TTC7B: variants seen among roughly 807,000 people sequenced by gnomAD.
TTC7B encodes tetratricopeptide repeat domain 7B, also known as tetratricopeptide repeat protein 7B.
In TTC7B, 28 loss-of-function variants were observed where a neutral mutation model predicts 106.8. The observed-to-expected ratio is 0.26, with a 90% confidence interval of 0.19 to 0.36. The LOEUF (loss-of-function observed/expected upper bound fraction) is 0.36. Ranked by LOEUF, TTC7B falls within the 10% of genes least tolerant of loss-of-function variation. TTC7B has a pLI of 1.00. For synonymous variants in TTC7B, 405 were observed against 430.6 expected, an observed-to-expected ratio of 0.94 and a Z score of 0.74; for missense variants, 862 against 1,076.4, an observed-to-expected ratio of 0.80 and a Z score of 2.79.
In TTC7B at chr14:90,541,484, C is replaced by A. The variant is rs145554922; in HGVS notation, c.2416G>T (p.Glu806Ter). Residue 806 changes from glutamate to a stop codon, truncating the protein, a stop_gained, in exon 20 of 20, where the codon GAG (glutamate) becomes TAG (stop). Transcript: ENST00000328459. LOFTEE classifies it high-confidence loss of function. ...TCGTTGCCCTGAGCTTGGAGGACCT[C>A]GCCCAGCCCGTTCCAGACCTCGTGG... is the stretch of plus-strand genomic sequence containing the variant. ...TAHEVWNGLG[E>*]VLQAQGNDAA... The A allele has an allele frequency of 6.2e-7, 1 of 1,614,068 alleles. No individual in the cohort carries two copies. The highest frequency in any genetic ancestry group is 8.5e-7 in the Non-Finnish European group (1 of 1,179,990).
intron 1 of TTC7B, among the ~76,000 whole-genome samples, chr14:90,791,196 C>A (rs1351712977): frequency 6.6e-6 from 1 of 152,122 alleles, no homozygotes; most frequent in Non-Finnish European, 1.5e-5. Context: ...ACGAATATTC[C>A]AAGCGCTGCA....
chr14:90,541,617 A>T, intron 19 of TTC7B, 28 bp from the exon 20 acceptor site: 1 of 1,515,372 alleles, frequency 6.6e-7, no homozygotes, highest in Non-Finnish European at 8.9e-7. Flanking sequence ...AGAGAGAGAC[A>T]GTCAGCCATG....
intron 6 of TTC7B, among the ~76,000 whole-genome samples, chr14:90,694,835 TCA>T (rs1270158808): frequency 1.1e-4 from 15 of 139,122 alleles, no homozygotes; most frequent in Non-Finnish European, 1.8e-4. Flanking sequence ...CATATATATG[TCA>T]CACATACAAT....
intron 18 of TTC7B, among the ~76,000 whole-genome samples, chr14:90,581,103 C>T (rs1891469900): frequency 6.6e-6 from 1 of 152,182 alleles, no homozygotes; most frequent in Non-Finnish European, 1.5e-5. Context: ...GCACACAGTG[C>T]CTTCTGTCTG....
intron 1 of TTC7B, 144 bp from the exon 2 acceptor site, chr14:90,786,472 G>A (rs886064666): frequency 4.9e-6 from 4 of 819,194 alleles, no homozygotes; most frequent in Non-Finnish European, 7.5e-6. Context: ...CCTTCATAGG[G>A]TCTAAGTGGG....
chr14:90,814,498 G>C (rs1005580138), intron 1 of TTC7B, among the ~76,000 whole-genome samples: 2 of 152,210 alleles, frequency 1.3e-5, no homozygotes, highest in Non-Finnish European at 2.9e-5. Context: ...CCACTGTTCT[G>C]TGACTGGCAC....
Position 90,668,530 on chromosome 14 carries a change from A to T in TTC7B, c.1152+7993T>A, listed in dbSNP as rs113778029. 7.4e-3 allele frequency among the ~76,000 whole-genome samples: 1,122 copies of T among 152,312 alleles called. 15 individuals carry two copies. Among genetic ancestry groups the T allele is most frequent in the African/African-American group, 0.026 (1,070 of 41,568 alleles). ...ATACAAAGGAGATTTTTACATTAGA[A>T]AGCAGATTATTAATGCCACCAATAA... On this transcript the variant is annotated intron_variant, in intron 9 of 19. Coordinates refer to ENST00000328459, the MANE Select transcript of TTC7B (RefSeq NM_001010854.2).
chr14:90,633,295 G>A (rs1566809258), intron 15 of TTC7B, among the ~76,000 whole-genome samples: 1 of 152,184 alleles, frequency 6.6e-6, no homozygotes, highest in Non-Finnish European at 1.5e-5. Context: ...GAATAGGAGT[G>A]AGTATATGTT....
intron 4 of TTC7B, 64 bp from the exon 5 acceptor site, chr14:90,730,260 T>C: frequency 1.3e-6 from 2 of 1,549,814 alleles, no homozygotes; most frequent in South Asian, 2.5e-5. Context: ...CTTCAAACCC[T>C]ATCTCTAAAT....
At chr14:90,557,321 C>T (rs1242754238) in intron 19 of TTC7B, among the ~76,000 whole-genome samples, 1 of 152,186 alleles carries the variant, frequency 6.6e-6, no homozygotes. Context: ...TCACGTGGGG[C>T]AGAGGGCCAC....
chr14:90,766,937 C>T (rs1244528897), intron 3 of TTC7B: 5 of 1,517,012 alleles, frequency 3.3e-6, no homozygotes, highest in Non-Finnish European at 4.5e-6. Context: ...AGTCAGCACA[C>T]CAAGACCACT....
At chr14:90,579,576 T>C (rs1466809466) in intron 18 of TTC7B, among the ~76,000 whole-genome samples, 1 of 152,208 alleles carries the variant, frequency 6.6e-6, no homozygotes, top group East Asian at 1.9e-4. Context: ...GGCGGGCGGA[T>C]AGCTTGAGGT....
intron 12 of TTC7B, among the ~76,000 whole-genome samples, chr14:90,654,414 A>G (rs1057287880): frequency 6.6e-6 from 1 of 152,220 alleles, no homozygotes; most frequent in Non-Finnish European, 1.5e-5. Flanking sequence ...AAACTTAAGT[A>G]TACAAGATTT....
At chr14:90,816,041 T>TC in intron 1 of TTC7B, 134 bp downstream of exon 1, 21 of 949,042 alleles carry the variant, frequency 2.2e-5, no homozygotes, top group Non-Finnish European at 2.5e-5. Flanking sequence ...CCCGCGCACA[T>TC]CCCCTGGGCC....
Position 90,704,128 on chromosome 14 carries a change from A to T in TTC7B, c.699-8550T>A, listed in dbSNP as rs140340486. 1.4e-4 allele frequency among the ~76,000 whole-genome samples: 21 copies of T among 152,338 alleles called. 1 individual carries two copies. The East Asian group carries it at 3.7e-3, about 27-fold the overall frequency. On this transcript the variant is annotated intron_variant, in intron 5 of 19. Coordinates refer to ENST00000328459, the MANE Select transcript of TTC7B (RefSeq NM_001010854.2). Reference sequence around the variant, plus strand: ...TAACACCTACTTGCCATATGCAATGAGATGGCACCTGGAAAGCTTCTGACT... The same window carrying T: ...TAACACCTACTTGCCATATGCAATGTGATGGCACCTGGAAAGCTTCTGACT...
In TTC7B at chr14:90,688,725, T is replaced by C. The variant is rs989820400; in HGVS notation, c.950+815A>G. ...TGGGAGGCTGAGGCAGGAGAATCAC[T>C]TGAACCTGGAAGGCAGAGGTTGCAG... On this transcript the variant is annotated intron_variant, in intron 7 of 19. Coordinates refer to ENST00000328459, the MANE Select transcript of TTC7B (RefSeq NM_001010854.2). Among the ~76,000 whole-genome samples the C allele has an allele frequency of 9.9e-5, 15 of 151,300 alleles. 1 individual carries two copies. Among genetic ancestry groups the C allele is most frequent in the African/African-American group, 3.4e-4 (14 of 41,058 alleles).
chr14:90,710,787 C>T (rs1033747449), intron 5 of TTC7B, among the ~76,000 whole-genome samples: 39 of 152,264 alleles, frequency 2.6e-4, no homozygotes, highest in African/African-American at 9.1e-4. Context: ...CTTTTCTGGA[C>T]ATAATGTTAT....
chr14:90,655,057 C>T lies in TTC7B; in HGVS notation c.1395G>A (p.Thr465=), dbSNP rs117707187. 4,802 of 1,614,200 alleles carry T rather than the reference C, an allele frequency of 3.0e-3. 12 individuals carry two copies. The highest frequency in any genetic ancestry group is 3.4e-3 in the Non-Finnish European group (4,070 of 1,180,030). The change falls in exon 12 of 20, where the codon ACG becomes ACA. Residue 465 remains threonine (T), a synonymous_variant. Transcript: ENST00000328459. ...AGTAGCCTTTGGCCTTGAACTCTGA[C>T]GTTTTCTCTCCCACATCAACGACAG... ...AKTVVDVGEK[T]SEFKAKGYLA... is the part of the protein sequence containing the mutation.
rs1889461348 is a variant in TTC7B, at chr14:90,538,160, A to G, written c.*3208T>C. On this transcript the variant is annotated 3_prime_UTR_variant, in exon 20 of 20. Coordinates refer to ENST00000328459, the MANE Select transcript of TTC7B (RefSeq NM_001010854.2). ...GGCCTGTCTCAATCTTAGTTCTGCC[A>G]GGTAATTCCACAATGACCCCAGGCA... 1 of 152,258 alleles carries G rather than the reference A, an allele frequency of 6.6e-6. No homozygotes were observed. The highest frequency in any genetic ancestry group is 1.5e-5 in the Non-Finnish European group (1 of 68,056). The allele number at this position is 152,258 out of a possible 1,614,324, so 9.4% of individuals were successfully genotyped here.
Sources: gnomAD v4.1 joint callset for allele counts (sites outside exome capture counted in the v4.1 genomes callset) on GRCh38, gnomAD v4.1.1 for gene constraint, MANE v1.5 for transcripts, NCBI Gene and HGNC (gene_info 2026-07-23, HGNC 2026-07-21) for gene names.